The following CNGA3 variants were observed in gnomAD, a reference collection of about 807,000 sequenced individuals.
CNGA3 encodes cyclic nucleotide-gated channel alpha-3.
In CNGA3, 42 loss-of-function variants were observed where a neutral mutation model predicts 46.6. The observed-to-expected ratio is 0.90, with a 90% CI of 0.70 to 1.17. The LOEUF is 1.17. Ranked by LOEUF, CNGA3 falls within the 50% of genes most tolerant of loss-of-function variation. The probability of loss-of-function intolerance (pLI) is 0.00; values close to 1 mark genes in which losing one functional copy is unlikely to be tolerated. For missense variants in CNGA3, 893 were observed against 890.7 expected, an observed-to-expected ratio of 1.00 and a Z score of -0.03; for synonymous variants, 394 against 369.4, an observed-to-expected ratio of 1.07 and a Z score of -0.76.
chr2:98,394,808 G>A lies in CNGA3; in HGVS notation c.674-1036G>A, dbSNP rs184639165. 3.3e-3 allele frequency among the ~76,000 whole-genome samples: 503 copies of A among 152,320 alleles called. 2 individuals are homozygous for A. The highest frequency in any genetic ancestry group is 5.8e-3 in the Non-Finnish European group (396 of 68,030). ...TTGGGAACTGAGTCATGCAAAAGCT[G>A]CCTTCCTTTTCTGCCCAGATAGCTG... is the stretch of plus-strand genomic sequence containing the variant. On this transcript the variant is annotated intron_variant, in intron 7 of 7. Transcript: ENST00000272602.
At chr2:98,377,620 C>T (rs1692435943) in intron 2 of CNGA3, 67 bp from the exon 3 acceptor site, 2 of 1,450,040 alleles carry the variant, frequency 1.4e-6, no homozygotes, top group East Asian at 2.4e-5. Context: ...CTGTCTCACT[C>T]CTGGCTGTGT....
chr2:98,379,998 T>G, intron 3 of CNGA3, 177 bp from the exon 4 acceptor site: 1 of 708,332 alleles, frequency 1.4e-6, no homozygotes, highest in South Asian at 1.7e-5. Flanking sequence ...GGGGCAGAGA[T>G]GCAAACTTAG....
At position 98,397,630 on chromosome 2, in the gene CNGA3, G is replaced by T. The variant is rs1427889865; in HGVS notation, c.*375G>T. ...TTTCTTATAAATGAAAGATTATTTA[G>T]TCACCTTTCTCCTGTCCAACTTCAC... On this transcript the variant is annotated 3_prime_UTR_variant, in exon 8 of 8. Transcript: ENST00000272602. The T allele has an allele frequency of 3.1e-6, 1 of 325,574 alleles. No individual in the cohort carries two copies. The highest frequency in any genetic ancestry group is 5.8e-6 in the Non-Finnish European group (1 of 171,558). 20.2% of individuals were successfully genotyped at this position (325,574 alleles called of 1,614,324 possible). A position where few individuals can be genotyped will look rare whatever the true frequency, so the allele number is the denominator to read the frequency against.
At chr2:98,378,126 T>G (rs756704275) in intron 3 of CNGA3, 1 of 1,550,846 alleles carries the variant, frequency 6.4e-7, no homozygotes, top group South Asian at 1.2e-5. Flanking sequence ...GGGAGACCTT[T>G]GATTGGGTGG....
intron 1 of CNGA3, among the ~76,000 whole-genome samples, chr2:98,360,178 GT>G (rs1266084129): frequency 6.6e-6 from 1 of 152,198 alleles, no homozygotes; most frequent in Non-Finnish European, 1.5e-5. Context: ...CACCTGTCCA[GT>G]TTCTTCATTT....
Position 98,397,197 on chromosome 2 carries a change from C to T in CNGA3, c.2027C>T (p.Pro676Leu), listed in dbSNP as rs1166619405. The T allele has an allele frequency of 1.2e-6, 2 of 1,614,026 alleles. No individual in the cohort carries two copies. Among genetic ancestry groups the T allele is most frequent in the Non-Finnish European group, 8.5e-7 (1 of 1,180,008 alleles). The change falls in exon 8 of 8, where the codon CCC becomes CTC. Residue 676 changes from proline to leucine, a missense_variant. Coordinates refer to ENST00000272602, the MANE Select transcript of CNGA3 (RefSeq NM_001298.3). ...ESQVKGGGDK[P>L]LADGEVPGDA... ...CAGGTGAAGGGTGGTGGGGACAAGC[C>T]CCTGGCTGATGGGGAAGTTCCCGGG... is the stretch of plus-strand genomic sequence containing the variant.
intron 4 of CNGA3, among the ~76,000 whole-genome samples, chr2:98,381,136 G>T (rs1171676466): frequency 6.6e-6 from 1 of 152,052 alleles, no homozygotes. Context: ...GAGACCCCTG[G>T]GCCAGCACAG....
At chr2:98,385,063 G>C (rs756166846) in intron 5 of CNGA3, among the ~76,000 whole-genome samples, 1 of 152,224 alleles carries the variant, frequency 6.6e-6, no homozygotes, top group South Asian at 2.1e-4. Flanking sequence ...GTTCTGTGTA[G>C]GGTTCTTTTG....
In CNGA3 at chr2:98,397,488, G is replaced by C. The variant is rs1306561541; in HGVS notation, c.*233G>C. The C allele has an allele frequency of 2.4e-5, 14 of 591,034 alleles. No homozygotes were observed. Among genetic ancestry groups the C allele is most frequent in the Non-Finnish European group, 3.9e-5 (13 of 332,228 alleles). 36.6% of individuals were successfully genotyped at this position (591,034 alleles called of 1,614,324 possible). A position where few individuals can be genotyped will look rare whatever the true frequency, so the allele number is the denominator to read the frequency against. ...GAAGTCCGCATGAAACACTGCACCAGGCAGGGCTTTGCAAAGTGCAAGGTA... is the reference window on the plus strand; with the variant it reads ...GAAGTCCGCATGAAACACTGCACCACGCAGGGCTTTGCAAAGTGCAAGGTA... On this transcript the variant is annotated 3_prime_UTR_variant, in exon 8 of 8. Transcript: ENST00000272602.
intron 1 of CNGA3, among the ~76,000 whole-genome samples, chr2:98,364,854 T>C (rs1426426659): frequency 6.6e-6 from 1 of 152,168 alleles, no homozygotes; most frequent in Non-Finnish European, 1.5e-5. Context: ...GGATTTTATT[T>C]CTCCTTTGCT....
intron 2 of CNGA3, among the ~76,000 whole-genome samples, chr2:98,372,593 C>CA (rs1692312635): frequency 6.6e-6 from 1 of 152,154 alleles, no homozygotes; most frequent in South Asian, 2.1e-4. Context: ...CTGCAACTGA[C>CA]CTGCTATGAA....
chr2:98,388,172 GCCACGCCCTCT>G (rs1170804384), intron 5 of CNGA3, among the ~76,000 whole-genome samples: 1 of 152,134 alleles, frequency 6.6e-6, no homozygotes, highest in East Asian at 1.9e-4. Context: ...GACGCCACAC[GCCACGCCCTCT>G]CTCCGGGACG....
At chr2:98,347,452 C>A (rs1018002407) in intron 1 of CNGA3, among the ~76,000 whole-genome samples, 1 of 152,184 alleles carries the variant, frequency 6.6e-6, no homozygotes, top group African/African-American at 2.4e-5. Flanking sequence ...CCCGCAACCC[C>A]GGGCCGGGTG....
intron 1 of CNGA3, among the ~76,000 whole-genome samples, chr2:98,366,204 A>G (rs1201449099): frequency 6.6e-6 from 1 of 152,156 alleles, no homozygotes; most frequent in African/African-American, 2.4e-5. Flanking sequence ...ATTCACCTGG[A>G]TCCCTCCTGC....
chr2:98,365,408 C>G (rs1261074551), intron 1 of CNGA3, among the ~76,000 whole-genome samples: 1 of 144,864 alleles, frequency 6.9e-6, no homozygotes, highest in African/African-American at 2.5e-5. Context: ...TCATGGAGTA[C>G]CTTATTGGAG....
Position 98,397,590 on chromosome 2 carries a change from G to T in CNGA3, c.*335G>T. ...TATGGAATCTGCAAGGTGTTTTTAG[G>T]CTTTTTAATCTGATTTTCTTATAAA... On this transcript the variant is annotated 3_prime_UTR_variant, in exon 8 of 8. Transcript: ENST00000272602. 2 of 369,496 alleles carry T rather than the reference G, an allele frequency of 5.4e-6. No homozygotes were observed. The highest frequency in any genetic ancestry group is 1.0e-5 in the Non-Finnish European group (2 of 200,378). The allele number at this position is 369,496 out of a possible 1,614,324, so 22.9% of individuals were successfully genotyped here.
rs199558955 is a variant in CNGA3 at position 98,389,780 on chromosome 2, C to T, written c.566+6C>T. ...TGGTATCTGCTTATTTGCAGGTAAG[C>T]GACAGGGGTGGAAGGTGCAGCGGAA... On this transcript the variant is annotated splice_donor_region_variant and intron_variant, in intron 6 of 7. Coordinates refer to ENST00000272602, the MANE Select transcript of CNGA3 (RefSeq NM_001298.3). The T allele has an allele frequency of 6.1e-4, 983 of 1,608,646 alleles. 2 individuals are homozygous for T. Among genetic ancestry groups the T allele is most frequent in the South Asian group, 1.7e-3 (154 of 90,924 alleles).
Position 98,380,336 on chromosome 2 carries a change from CAGCAG to C in CNGA3, c.379_383del (p.Ala127GlnfsTer14), listed in dbSNP as rs761240131. On this transcript the variant is annotated frameshift_variant, in exon 4 of 8. Coordinates refer to ENST00000272602, the MANE Select transcript of CNGA3 (RefSeq NM_001298.3). LOFTEE classifies it high-confidence loss of function. ...CAGGCAAATGTGGGCAGCCAGGAGC[CAGCAG>C]ACAGAGGGAGAAGGTAAGGAACGGA... The C allele has an allele frequency of 2.5e-6, 4 of 1,614,124 alleles. No homozygotes were observed. Among genetic ancestry groups the C allele is most frequent in the Non-Finnish European group, 8.5e-7 (1 of 1,180,016 alleles).
chr2:98,368,679 C>G (rs1248527270), intron 1 of CNGA3, among the ~76,000 whole-genome samples: 1 of 152,228 alleles, frequency 6.6e-6, no homozygotes, highest in Non-Finnish European at 1.5e-5. Context: ...TCACACAGAG[C>G]TGGCTGTGCA....
Sources: allele counts gnomAD v4.1 joint callset (sites outside exome capture counted in the v4.1 genomes callset), GRCh38; gene constraint gnomAD v4.1.1; transcripts MANE v1.5; gene names NCBI Gene and HGNC (gene_info 2026-07-23, HGNC 2026-07-21).